ZFP69: variants seen among roughly 807,000 people sequenced by gnomAD.
ZFP69 encodes the protein zinc finger protein 69 homolog.
ZFP69 carries 35 observed loss-of-function variants against 48.9 expected under a neutral mutation model. The observed-to-expected ratio is 0.72, with a 90% CI of 0.55 to 0.95. ZFP69 has a LOEUF of 0.95. Ranked by LOEUF, ZFP69 falls within the 40% of genes least tolerant of loss-of-function variation. The pLI is 0.00. For missense variants in ZFP69, 557 were observed against 638.4 expected, an observed-to-expected ratio of 0.87 and a Z score of 1.37; for synonymous variants, 193 against 216.8, an observed-to-expected ratio of 0.89 and a Z score of 0.96.
chr1:40,489,250 C>T (rs1645538138), intron 4 of ZFP69, 36 bp downstream of exon 4: 1 of 1,607,010 alleles, frequency 6.2e-7, no homozygotes, highest in South Asian at 1.1e-5. Flanking sequence ...AGAAACCCAC[C>T]CATTACAGGA....
In ZFP69 at chr1:40,494,937, A is replaced by G; in HGVS notation, c.459A>G (p.Ile153Met). 1.9e-5 allele frequency: 30 copies of G among 1,609,156 alleles called. No individual in the cohort carries two copies. The highest frequency in any genetic ancestry group is 2.5e-5 in the Non-Finnish European group (29 of 1,178,316). ...GDPSSDLKSKIETIESTAKST... is the reference protein window; with the variant it reads ...GDPSSDLKSKMETIESTAKST... ...TTCTTTCAGACTTGAAGAGTAAAAT[A>G]GAAACCATTGAGTCAACTGCAAAGA... Residue 153 changes from isoleucine (I) to methionine (M), a missense_variant, in exon 6 of 6, where the codon ATA becomes ATG. Physicochemically the swap from Ile to Met is conservative, Grantham distance 10. Transcript: ENST00000372706.
chr1:40,493,225 CA>C (rs61279026), intron 5 of ZFP69: 53,887 of 125,580 alleles, frequency 0.43, 10,600 homozygotes, highest in East Asian at 0.63. Flanking sequence ...AACTCTGTCT[CA>C]AAAAAAAAAA....
intron 2 of ZFP69, 34 bp downstream of exon 2, chr1:40,479,522 A>T (rs1645423920): frequency 6.3e-7 from 1 of 1,585,120 alleles, no homozygotes; most frequent in South Asian, 1.1e-5. Flanking sequence ...GAAGAAGGGG[A>T]TCTCATTTGT....
chr1:40,480,267 ATT>A (rs61577884), intron 2 of ZFP69, among the ~76,000 whole-genome samples: 8,858 of 142,526 alleles, frequency 0.062, 367 homozygotes, highest in African/African-American at 0.11. Flanking sequence ...TCTGGTTGTG[ATT>A]TTTTTTTTTT....
intron 3 of ZFP69, among the ~76,000 whole-genome samples, chr1:40,487,172 A>T (rs1432809426): frequency 1.3e-5 from 2 of 151,464 alleles, no homozygotes; most frequent in East Asian, 2.0e-4. Context: ...ATCCGCCCGC[A>T]TCAGCCTCCC....
chr1:40,488,548 C>T lies in ZFP69; in HGVS notation c.220-540C>T, dbSNP rs555680196. On this transcript the variant is annotated intron_variant, in intron 3 of 5. Transcript: ENST00000372706. ...ATCCCACCCTGTTCCTCATCTCCAC[C>T]TCTCTTGATTTCATTTCTTTCCACT... 3.3e-5 allele frequency among the ~76,000 whole-genome samples: 5 copies of T among 152,276 alleles called. No individual in the cohort carries two copies. In the South Asian group the frequency reaches 1.0e-3, roughly 32 times the overall value.
At chr1:40,489,900 T>G (rs1645547980) in intron 5 of ZFP69, among the ~76,000 whole-genome samples, 1 of 141,212 alleles carries the variant, frequency 7.1e-6, no homozygotes, top group Non-Finnish European at 1.5e-5. Context: ...AGACAGAGTC[T>G]CGCACTGTCG....
chr1:40,484,096 A>T (rs140148324), intron 3 of ZFP69, among the ~76,000 whole-genome samples: 2 of 152,160 alleles, frequency 1.3e-5, no homozygotes, highest in Non-Finnish European at 2.9e-5. Context: ...AATAAATAAA[A>T]TAAATAAAAC....
Position 40,489,600 on chromosome 1 carries a change from G to T in ZFP69, c.418G>T (p.Glu140Ter), listed in dbSNP as rs755438581. 2.3e-5 allele frequency: 37 copies of T among 1,613,624 alleles called. No individual in the cohort carries two copies. The highest frequency in any genetic ancestry group is 2.9e-5 in the Non-Finnish European group (34 of 1,179,904). ...AGAAGAGCCATGGATGGCAGAGAAA[G>T]AAGGCCCAGGAGATCCCAGTTCAGG... ...KGEEPWMAEK[E>*]GPGDPSSDLK... The change falls in exon 5 of 6, where the codon GAA (glutamate) becomes TAA (stop). Residue 140 changes from glutamate to a stop codon, truncating the protein, a stop_gained. Transcript: ENST00000372706. LOFTEE classifies it high-confidence loss of function.
At position 40,495,825 on chromosome 1, in the gene ZFP69, G is replaced by A; in HGVS notation, c.1347G>A (p.Arg449=). The change falls in exon 6 of 6, where the codon AGG becomes AGA. Residue 449 remains arginine, a synonymous_variant. Transcript: ENST00000372706. ...GTAAAGAATGTGGAAAAGCCTTTAGGCAGAGGATACACCTTAGCAACCATA... is the reference window on the plus strand; with the variant it reads ...GTAAAGAATGTGGAAAAGCCTTTAGACAGAGGATACACCTTAGCAACCATA... The part of the protein sequence containing the change: ...YKCKECGKAF[R]QRIHLSNHKT... The A allele has an allele frequency of 6.2e-7, 1 of 1,614,178 alleles. No individual in the cohort carries two copies. The highest frequency in any genetic ancestry group is 1.1e-5 in the South Asian group (1 of 91,088).
intron 3 of ZFP69, among the ~76,000 whole-genome samples, chr1:40,488,055 A>AG (rs1645521231): frequency 6.6e-6 from 1 of 151,978 alleles, no homozygotes; most frequent in South Asian, 2.1e-4. Context: ...AAAAAAAAAA[A>AG]AAAGTGATCT....
chr1:40,488,413 C>T (rs570473578), intron 3 of ZFP69, among the ~76,000 whole-genome samples: 7 of 152,304 alleles, frequency 4.6e-5, no homozygotes, highest in African/African-American at 1.2e-4. Flanking sequence ...CAGTTCCAGA[C>T]AGTTTTGTTC....
At chr1:40,482,985 A>G (rs1283975988) in intron 3 of ZFP69, among the ~76,000 whole-genome samples, 1 of 152,150 alleles carries the variant, frequency 6.6e-6, no homozygotes, top group Non-Finnish European at 1.5e-5. Context: ...AATTTAACCT[A>G]ATTAACACTT....
At chr1:40,493,033 C>G (rs1203277848) in intron 5 of ZFP69, 1 of 152,174 alleles carries the variant, frequency 6.6e-6, no homozygotes, top group Non-Finnish European at 1.5e-5. Context: ...CGAGACCAGC[C>G]TGACCAACAT....
chr1:40,495,693 T>C lies in ZFP69; in HGVS notation c.1215T>C (p.His405=), dbSNP rs1645625491. Residue 405 remains histidine (H), a synonymous_variant, in exon 6 of 6, where the codon CAT becomes CAC. Coordinates refer to ENST00000372706, the MANE Select transcript of ZFP69 (RefSeq NM_001320179.2). Reference sequence around the variant, plus strand: ...ACCTTAGTGAACATATAAGAATTCATACCGGGGAGAAGCCCTATGCATGCA... The same window carrying C: ...ACCTTAGTGAACATATAAGAATTCACACCGGGGAGAAGCCCTATGCATGCA... ...IRHLSEHIRI[H]TGEKPYACTA... is the part of the protein sequence containing the mutation. 5.0e-6 allele frequency: 8 copies of C among 1,614,210 alleles called. No individual in the cohort carries two copies. The South Asian group carries it at 5.5e-5, about 11-fold the overall frequency.
intron 3 of ZFP69, among the ~76,000 whole-genome samples, chr1:40,486,741 T>A (rs1645504410): frequency 6.6e-6 from 1 of 151,802 alleles, no homozygotes; most frequent in Non-Finnish European, 1.5e-5. Context: ...TAATTACATG[T>A]ATAATAGACC....
chr1:40,495,970 A>C lies in ZFP69; in HGVS notation c.1492A>C (p.Asn498His). ...CACTGGAGAAAAACCTTACGAATGT[A>C]ACGAATGTGGAAAAGCCTTCAGCTA... ...HHTGEKPYEC[N>H]ECGKAFSYNS... Residue 498 changes from asparagine to histidine, a missense_variant, in exon 6 of 6, where the codon AAC becomes CAC. Physicochemically the swap from Asn to His is moderately conservative, Grantham distance 68. Transcript: ENST00000372706. The C allele has an allele frequency of 6.2e-7, 1 of 1,614,216 alleles. No individual in the cohort carries two copies. Among genetic ancestry groups the C allele is most frequent in the Non-Finnish European group, 8.5e-7 (1 of 1,180,034 alleles).
chr1:40,481,711 T>C, intron 2 of ZFP69, 52 bp from the exon 3 acceptor site: 1 of 1,461,018 alleles, frequency 6.8e-7, no homozygotes, highest in Non-Finnish European at 9.4e-7. Context: ...GCAATTTCTT[T>C]ATTTGGGAGA....
Position 40,496,020 on chromosome 1 carries a change from T to C in ZFP69, c.1542T>C (p.His514=), listed in dbSNP as rs1645631409. Residue 514 remains histidine (H), a synonymous_variant, in exon 6 of 6, where the codon CAT becomes CAC. Coordinates refer to ENST00000372706, the MANE Select transcript of ZFP69 (RefSeq NM_001320179.2). The stretch of plus-strand genomic sequence containing the variant: ...ATAACTCTTCACTTAGTCGACATCA[T>C]GAAATACACAGGAGGAACGCCTTCC... ...FSYNSSLSRH[H]EIHRRNAFRN... is the part of the protein sequence containing the mutation. The C allele has an allele frequency of 6.2e-7, 1 of 1,610,002 alleles. No individual in the cohort carries two copies. The highest frequency in any genetic ancestry group is 1.3e-5 in the African/African-American group (1 of 74,642).
Sources: gnomAD v4.1 joint callset for allele counts (sites outside exome capture counted in the v4.1 genomes callset) on GRCh38, gnomAD v4.1.1 for gene constraint, MANE v1.5 for transcripts, NCBI Gene and HGNC (gene_info 2026-07-23, HGNC 2026-07-21) for gene names.